Variants in NELL1 observed in about 807,000 individuals in gnomAD.
The protein encoded by NELL1 is neural EGFL like 1, also known as protein kinase C-binding protein NELL1.
A neutral mutation model predicts 107.4 loss-of-function variants in NELL1; 76 were observed. The observed-to-expected ratio is 0.71, with a 90% CI of 0.59 to 0.86. NELL1 has a LOEUF of 0.86. Ranked by LOEUF, NELL1 falls within the 40% of genes least tolerant of loss-of-function variation. The pLI, the probability that NELL1 is intolerant of heterozygous loss-of-function variation, is 0.00. For synonymous variants in NELL1, 353 were observed against 341.2 expected (o/e 1.03, Z -0.38); for missense variants, 1,024 against 1,005.5 (o/e 1.02, Z -0.25).
chr11:21,085,271 A>G (rs529493322), intron 12 of NELL1, among the ~76,000 whole-genome samples: 1 of 152,318 alleles, frequency 6.6e-6, no homozygotes, highest in African/African-American at 2.4e-5. Context: ...TGAACTCCAT[A>G]CTTTCAGGAT....
intron 14 of NELL1, among the ~76,000 whole-genome samples, chr11:21,321,796 A>C (rs900856829): frequency 6.6e-6 from 1 of 152,230 alleles, no homozygotes; most frequent in East Asian, 1.9e-4. Context: ...TCTCCTGCAC[A>C]GTCCCACACA....
intron 12 of NELL1, among the ~76,000 whole-genome samples, chr11:20,970,989 G>A (rs1057316154): frequency 8.5e-5 from 13 of 152,150 alleles, no homozygotes; most frequent in Non-Finnish European, 1.5e-4. Flanking sequence ...ATAAAGCATC[G>A]TTGAGGTCAT....
chr11:21,272,271 G>A (rs549078037), intron 14 of NELL1, among the ~76,000 whole-genome samples: 31 of 152,302 alleles, frequency 2.0e-4, no homozygotes, highest in Non-Finnish European at 2.9e-4. Context: ...CCCCTGGCTC[G>A]GAGGGCCCTA....
rs183006993 is a variant in NELL1 at position 21,448,381 on chromosome 11, C to T, written c.1645+77433C>T. 4.1e-4 allele frequency among the ~76,000 whole-genome samples: 62 copies of T among 152,190 alleles called. 1 individual carries two copies. Among genetic ancestry groups the T allele is most frequent in the Admixed American group, 3.9e-3 (59 of 15,290 alleles). On this transcript the variant is annotated intron_variant, in intron 15 of 19. Transcript: ENST00000357134. Reference sequence around the variant, plus strand: ...CTTTGTGTTTTCTTCACATTTTGTTCTACCCAGTGATTCTGTATATTTTCA... The same window carrying T: ...CTTTGTGTTTTCTTCACATTTTGTTTTACCCAGTGATTCTGTATATTTTCA...
Position 21,323,453 on chromosome 11 carries a change from G to C in NELL1, c.1550-47400G>C, listed in dbSNP as rs1460217791. ...CTGGTGTTCTCTTCTGCTTCCATTAGTGATGGGCATCATTTAATTTTTGCC... is the reference window on the plus strand; with the variant it reads ...CTGGTGTTCTCTTCTGCTTCCATTACTGATGGGCATCATTTAATTTTTGCC... On this transcript the variant is annotated intron_variant, in intron 14 of 19. Coordinates refer to ENST00000357134, the MANE Select transcript of NELL1 (RefSeq NM_006157.5). 4.6e-5 allele frequency among the ~76,000 whole-genome samples: 7 copies of C among 152,138 alleles called. No individual in the cohort carries two copies. The East Asian group carries it at 1.3e-3, about 29-fold the overall frequency.
At chr11:20,705,877 T>A (rs12365921) in intron 2 of NELL1, among the ~76,000 whole-genome samples, 60,138 of 151,376 alleles carry the variant, frequency 0.4, 13,958 homozygotes, top group African/African-American at 0.64. Context: ...ACACTTCTCA[T>A]AAGAAGACAT....
At chr11:20,751,646 TAAAA>T (rs56008564) in intron 2 of NELL1, among the ~76,000 whole-genome samples, 1 of 147,806 alleles carries the variant, frequency 6.8e-6, no homozygotes, top group Admixed American at 6.7e-5. Flanking sequence ...CTGGCTAAGT[TAAAA>T]AAAAAAAAAA....
intron 13 of NELL1, among the ~76,000 whole-genome samples, chr11:21,178,468 CA>C (rs1856756660): frequency 2.6e-5 from 4 of 151,782 alleles, no homozygotes; most frequent in Admixed American, 2.6e-4. Context: ...ATTTCTTTTT[CA>C]ATTATAAAAT....
At chr11:20,946,085 A>G (rs1850956553) in intron 10 of NELL1, among the ~76,000 whole-genome samples, 2 of 152,208 alleles carry the variant, frequency 1.3e-5, no homozygotes, top group Non-Finnish European at 1.5e-5. Context: ...GACATATACA[A>G]TTATGTTACT....
chr11:21,189,678 T>A (rs1857008347), intron 13 of NELL1, among the ~76,000 whole-genome samples: 1 of 83,298 alleles, frequency 1.2e-5, no homozygotes. Context: ...CTGTTGTTTC[T>A]TCCTTTTTTT....
intron 14 of NELL1, among the ~76,000 whole-genome samples, chr11:21,233,063 T>C (rs1048012108): frequency 9.2e-5 from 14 of 152,258 alleles, no homozygotes; most frequent in African/African-American, 3.1e-4. Context: ...CATGCCTTTT[T>C]ATAAGCATTA....
At chr11:21,310,914 G>A (rs1384497698) in intron 14 of NELL1, among the ~76,000 whole-genome samples, 1 of 152,028 alleles carries the variant, frequency 6.6e-6, no homozygotes, top group Non-Finnish European at 1.5e-5. Flanking sequence ...TTCATTGAAA[G>A]GTTTTAATTT....
chr11:21,442,989 T>G (rs570443217), intron 15 of NELL1, among the ~76,000 whole-genome samples: 1 of 147,080 alleles, frequency 6.8e-6, no homozygotes, highest in Admixed American at 6.8e-5. Flanking sequence ...CATTCCCTAT[T>G]TTATTCCATG....
At chr11:21,250,944 G>A (rs968671580) in intron 14 of NELL1, among the ~76,000 whole-genome samples, 2 of 152,094 alleles carry the variant, frequency 1.3e-5, no homozygotes, top group African/African-American at 4.8e-5. Flanking sequence ...TATGGACTGG[G>A]TTTTCGTCCT....
chr11:21,460,299 C>T (rs1853868063), intron 15 of NELL1, among the ~76,000 whole-genome samples: 1 of 152,044 alleles, frequency 6.6e-6, no homozygotes, highest in African/African-American at 2.4e-5. Flanking sequence ...AAGGATATGA[C>T]TCATAATGAC....
chr11:21,087,484 C>G (rs530026850), intron 12 of NELL1, among the ~76,000 whole-genome samples: 1 of 152,220 alleles, frequency 6.6e-6, no homozygotes, highest in East Asian at 1.9e-4. Flanking sequence ...TTTCTATTAT[C>G]ATACTGACAA....
intron 14 of NELL1, among the ~76,000 whole-genome samples, chr11:21,319,993 G>C (rs1332319433): frequency 6.6e-6 from 1 of 150,990 alleles, no homozygotes; most frequent in Non-Finnish European, 1.5e-5. Flanking sequence ...CTGATGGGTG[G>C]AGGGAGAGTA....
chr11:21,311,506 A>T (rs1168039656), intron 14 of NELL1, among the ~76,000 whole-genome samples: 1 of 152,064 alleles, frequency 6.6e-6, no homozygotes, highest in African/African-American at 2.4e-5. Flanking sequence ...ATCTCTTTTT[A>T]CACAAATATT....
intron 14 of NELL1, among the ~76,000 whole-genome samples, chr11:21,277,316 C>T (rs1360299167): frequency 2.2e-4 from 33 of 152,090 alleles, no homozygotes; most frequent in Non-Finnish European, 1.5e-5. Context: ...CATCACTGGC[C>T]ATCAGAGAAA....
Sources: gnomAD v4.1 joint callset for allele counts (sites outside exome capture counted in the v4.1 genomes callset) on GRCh38, gnomAD v4.1.1 for gene constraint, MANE v1.5 for transcripts, NCBI Gene and HGNC (gene_info 2026-07-23, HGNC 2026-07-21) for gene names.